The following UBR1 variants were observed in gnomAD, a reference collection of about 807,000 sequenced individuals.
UBR1 encodes ubiquitin protein ligase E3 component n-recognin 1, also known as E3 ubiquitin-protein ligase UBR1.
Under a neutral mutation model 242.1 loss-of-function variants are expected in UBR1, and 102 were observed. The ratio of observed to expected loss-of-function variants is 0.42; its 90% confidence interval spans 0.36 to 0.50. The LOEUF is 0.50. Ranked by LOEUF, UBR1 falls within the 20% of genes least tolerant of loss-of-function variation. The probability of loss-of-function intolerance (pLI) is 0.01; values close to 1 mark genes in which losing one functional copy is unlikely to be tolerated. For synonymous variants in UBR1, 675 were observed against 684.8 expected (o/e 0.99, Z 0.22); for missense variants, 1,772 against 2,101.8 (o/e 0.84, Z 3.07).
At chr15:42,997,188 C>CT (rs2032653895) in intron 33 of UBR1, among the ~76,000 whole-genome samples, 1 of 152,194 alleles carries the variant, frequency 6.6e-6, no homozygotes. Context: ...CTACTATGAA[C>CT]TGCCCATGTG....
At chr15:43,091,735 C>G (rs2034107461) in intron 1 of UBR1, among the ~76,000 whole-genome samples, 1 of 151,594 alleles carries the variant, frequency 6.6e-6, no homozygotes. Flanking sequence ...AGTTTGAGAC[C>G]AGCCTAGGCA....
Position 43,105,972 on chromosome 15 carries a change from C to G in UBR1, c.51G>C (p.Glu17Asp). The G allele has an allele frequency of 3.1e-6, 5 of 1,614,064 alleles. No homozygotes were observed. Among genetic ancestry groups the G allele is most frequent in the Non-Finnish European group, 4.2e-6 (5 of 1,180,006 alleles). Residue 17 changes from glutamate to aspartate, a missense_variant, in exon 1 of 47, where the codon GAG becomes GAC. By Grantham distance (45) the Glu-to-Asp change is conservative. Around this residue, in one of 3 missense-constraint regions of UBR1, gnomAD observed 734 missense variants for 893.3 expected, o/e 0.82. Coordinates refer to ENST00000290650, the MANE Select transcript of UBR1 (RefSeq NM_174916.3). ...CCAGACGCTGAGGGGTCTGGGGTAA[C>G]TCCGCGCTGATTTCCATCCTCTCAG... ...GGTERMEISA[E>D]LPQTPQRLAS...
intron 27 of UBR1, 121 bp downstream of exon 27, chr15:43,021,154 T>A: frequency 1.4e-6 from 1 of 705,238 alleles, no homozygotes; most frequent in South Asian, 1.7e-5. Context: ...ACATGAAAAA[T>A]AAGTGATTAT....
At chr15:42,945,510 C>G in intron 46 of UBR1, 40 bp from the exon 47 acceptor site, 1 of 1,609,828 alleles carries the variant, frequency 6.2e-7, no homozygotes, top group Non-Finnish European at 8.5e-7. Flanking sequence ...AAGTTTGAAT[C>G]TAGTAACTGC....
At chr15:43,044,529 A>G (rs529398630) in intron 14 of UBR1, among the ~76,000 whole-genome samples, 1 of 152,320 alleles carries the variant, frequency 6.6e-6, no homozygotes, top group South Asian at 2.1e-4. Flanking sequence ...AAGGAACTCC[A>G]TGGTCAAAAC....
intron 33 of UBR1, among the ~76,000 whole-genome samples, chr15:42,995,463 T>C (rs2141280352): frequency 6.8e-6 from 1 of 147,566 alleles, no homozygotes; most frequent in Admixed American, 6.8e-5. Context: ...ATCAAGACCA[T>C]CCTGGCTAAC....
At chr15:43,061,092 G>A (rs1222699946) in intron 6 of UBR1, among the ~76,000 whole-genome samples, 2 of 152,166 alleles carry the variant, frequency 1.3e-5, no homozygotes, top group East Asian at 1.9e-4. Context: ...AACAAACAGG[G>A]GGAGGAAAAC....
intron 14 of UBR1, among the ~76,000 whole-genome samples, chr15:43,046,436 A>T (rs939238396): frequency 6.6e-6 from 1 of 152,186 alleles, no homozygotes; most frequent in Non-Finnish European, 1.5e-5. Context: ...TAGACAATTG[A>T]ATAAAAGAGT....
In UBR1 at chr15:43,032,550, A is replaced by G. The variant is rs374345742; in HGVS notation, c.2254+18T>C. On this transcript the variant is annotated intron_variant, in intron 20 of 46. Coordinates refer to ENST00000290650, the MANE Select transcript of UBR1 (RefSeq NM_174916.3). The stretch of plus-strand genomic sequence containing the variant: ...AGTAACCCATGTTCTATTTCAAAAC[A>G]TTGTGTTTTAATCTTACCCACAATA... 1.5e-5 allele frequency: 22 copies of G among 1,503,954 alleles called. No homozygotes were observed. Among genetic ancestry groups the G allele is most frequent in the Non-Finnish European group, 1.5e-5 (16 of 1,086,196 alleles). 93.2% of individuals were successfully genotyped at this position (1,503,954 alleles called of 1,614,324 possible).
intron 4 of UBR1, among the ~76,000 whole-genome samples, chr15:43,074,396 A>T (rs1567144269): frequency 6.6e-6 from 1 of 152,092 alleles, no homozygotes; most frequent in Non-Finnish European, 1.5e-5. Context: ...TCTATTAATA[A>T]TTACTTCCTT....
chr15:42,967,807 AAGAC>A (rs2032134551), intron 40 of UBR1, among the ~76,000 whole-genome samples: 1 of 151,906 alleles, frequency 6.6e-6, no homozygotes, highest in Non-Finnish European at 1.5e-5. Context: ...AAAAAAAAGA[AAGAC>A]TGGTAAAGGT....
intron 33 of UBR1, among the ~76,000 whole-genome samples, chr15:42,995,213 T>A (rs921689271): frequency 6.6e-6 from 1 of 152,314 alleles, no homozygotes; most frequent in African/African-American, 2.4e-5. Context: ...AAGGCTGAAT[T>A]TTTGAGACCT....
chr15:43,104,442 C>T (rs1032606370), intron 1 of UBR1, among the ~76,000 whole-genome samples: 5 of 152,152 alleles, frequency 3.3e-5, no homozygotes, highest in African/African-American at 1.2e-4. Flanking sequence ...ATTTGTCCTA[C>T]CTCCTCATTC....
chr15:43,009,969 C>T (rs889707621), intron 29 of UBR1, among the ~76,000 whole-genome samples: 1 of 152,192 alleles, frequency 6.6e-6, no homozygotes, highest in Non-Finnish European at 1.5e-5. Context: ...CTCCCAGGTT[C>T]AAGTGATTCT....
chr15:43,016,437 ATAT>A (rs766645148), intron 28 of UBR1, among the ~76,000 whole-genome samples: 8 of 151,870 alleles, frequency 5.3e-5, no homozygotes, highest in Non-Finnish European at 1.0e-4. Flanking sequence ...AATAACACAA[ATAT>A]TATTGCATTT....
rs1415432663 is a variant in UBR1, at chr15:43,048,403, T to C, written c.1528A>G (p.Thr510Ala). The C allele has an allele frequency of 6.2e-7, 1 of 1,612,420 alleles. No homozygotes were observed. Among genetic ancestry groups the C allele is most frequent in the Non-Finnish European group, 8.5e-7 (1 of 1,179,046 alleles). ...EGFRSFLKILTCMQGMEEIRR... is the reference protein window; with the variant it reads ...EGFRSFLKILACMQGMEEIRR... ...AAAAATGATCATACCTGCATACAGG[T>C]AAGAATCTTCAAAAAAGATCGAAAA... Residue 510 changes from threonine (T) to alanine (A), a missense_variant, in exon 13 of 47, where the codon ACC becomes GCC. Physicochemically the swap from Thr to Ala is moderately conservative, Grantham distance 58. Transcript: ENST00000290650.
chr15:43,059,910 C>A, intron 7 of UBR1, 85 bp from the exon 8 acceptor site: 1 of 1,572,666 alleles, frequency 6.4e-7, no homozygotes, highest in Non-Finnish European at 8.8e-7. Context: ...GAAGAAATCA[C>A]ATAACCCTGC....
In UBR1 at chr15:43,038,226, T is replaced by G. The variant is rs752857150; in HGVS notation, c.1856A>C (p.His619Pro). ...AGCACCCAGCCTGCTTAAACGTACA[T>G]GAAGACCTAAAGTTAAAAAAACGAG... ...LPLSRTLAGL[H>P]VRLSRLGAVS... Residue 619 changes from histidine (H) to proline (P), a missense_variant, in exon 16 of 47, where the codon CAT becomes CCT. Coordinates refer to ENST00000290650, the MANE Select transcript of UBR1 (RefSeq NM_174916.3). The G allele has an allele frequency of 6.2e-7, 1 of 1,613,994 alleles. No homozygotes were observed. The highest frequency in any genetic ancestry group is 2.2e-5 in the East Asian group (1 of 44,870).
intron 30 of UBR1, among the ~76,000 whole-genome samples, chr15:43,005,797 C>T (rs1182985486): frequency 9.9e-5 from 15 of 151,016 alleles, no homozygotes; most frequent in Admixed American, 4.6e-4. Flanking sequence ...CCCCCAACCC[C>T]GTGCTCTCTG....
Sources: allele counts gnomAD v4.1 joint callset (sites outside exome capture counted in the v4.1 genomes callset), GRCh38; gene constraint gnomAD v4.1.1; regional missense constraint gnomAD v4.1.1; transcripts MANE v1.5; gene names NCBI Gene and HGNC (gene_info 2026-07-23, HGNC 2026-07-21).